EYS: variants seen among roughly 807,000 people sequenced by gnomAD.
The protein encoded by EYS is protein eyes shut homolog.
In EYS, 250 loss-of-function variants were observed where a neutral mutation model predicts 282.1. The observed-to-expected ratio is 0.89, with a 90% CI of 0.80 to 0.98. The LOEUF (loss-of-function observed/expected upper bound fraction) is 0.98, where lower values mean the gene tolerates loss of function less well. Among genes scored for constraint, EYS ranks in the 50% least tolerant of loss-of-function variants. The probability of loss-of-function intolerance (pLI) is 0.00; values close to 1 mark genes in which losing one functional copy is unlikely to be tolerated. For synonymous variants in EYS, 1,355 were observed against 1,282.9 expected (o/e 1.06, Z -1.20); for missense variants, 4,016 against 3,709.0 (o/e 1.08, Z -2.15).
At chr6:64,769,407 A>C (rs1773457301) in intron 22 of EYS, among the ~76,000 whole-genome samples, 1 of 152,076 alleles carries the variant, frequency 6.6e-6, no homozygotes, top group East Asian at 1.9e-4. Context: ...ATTTTATATA[A>C]TTTTCACATT....
At chr6:65,172,780 C>A (rs970328024) in intron 12 of EYS, among the ~76,000 whole-genome samples, 1 of 151,080 alleles carries the variant, frequency 6.6e-6, no homozygotes, top group Non-Finnish European at 1.5e-5. Context: ...ATATTAATAT[C>A]ACGTCAAATA....
At chr6:65,632,218 T>C (rs749567633) in intron 2 of EYS, among the ~76,000 whole-genome samples, 1 of 152,178 alleles carries the variant, frequency 6.6e-6, no homozygotes, top group Non-Finnish European at 1.5e-5. Flanking sequence ...GCAAAGCAAC[T>C]GCATGCTTTG....
chr6:64,804,341 T>G (rs1217067650), intron 22 of EYS, among the ~76,000 whole-genome samples: 1 of 152,194 alleles, frequency 6.6e-6, no homozygotes, highest in African/African-American at 2.4e-5. Flanking sequence ...TTACTTCTTT[T>G]CACACTCTAG....
In EYS at chr6:65,295,966, A is replaced by G. The variant is rs1374217956; in HGVS notation, c.1920T>C (p.Cys640=). 6.4e-7 allele frequency: 1 copy of G among 1,551,164 alleles called. No homozygotes were observed. Among genetic ancestry groups the G allele is most frequent in the Non-Finnish European group, 8.7e-7 (1 of 1,146,518 alleles). The part of the protein sequence containing the change: ...SGLQRYERNI[C]EIDTEDCKSA... ...ATTTGCAGTCTTCAGTATCTATCTCACAGATGTTCCTTTCATATCTTTGCA... is the reference window on the plus strand; with the variant it reads ...ATTTGCAGTCTTCAGTATCTATCTCGCAGATGTTCCTTTCATATCTTTGCA... The change falls in exon 12 of 43, where the codon TGT becomes TGC. Residue 640 remains cysteine, a synonymous_variant. Coordinates refer to ENST00000503581, the MANE Select transcript of EYS (RefSeq NM_001142800.2).
chr6:64,111,583 G>T (rs1297957929), intron 31 of EYS, among the ~76,000 whole-genome samples: 2 of 152,072 alleles, frequency 1.3e-5, no homozygotes, highest in African/African-American at 4.8e-5. Context: ...GGAAAAGATT[G>T]AAAATAGTCA....
chr6:65,190,572 A>G (rs970964601), intron 12 of EYS, among the ~76,000 whole-genome samples: 8 of 151,560 alleles, frequency 5.3e-5, no homozygotes, highest in Non-Finnish European at 8.9e-5. Flanking sequence ...GATGTCCCCA[A>G]TTTTATATTT....
intron 35 of EYS, among the ~76,000 whole-genome samples, chr6:63,963,124 G>T (rs1228674055): frequency 6.7e-6 from 1 of 150,314 alleles, no homozygotes; most frequent in African/African-American, 2.5e-5. Context: ...TGGGGGGAAG[G>T]GGGAGGCGGG....
Position 65,152,349 on chromosome 6 carries a change from C to T in EYS, c.2024-94622G>A, listed in dbSNP as rs538602158. On this transcript the variant is annotated intron_variant, in intron 12 of 42. Transcript: ENST00000503581. Reference sequence around the variant, plus strand: ...AGATCCCAGTGTTGAAGCTCTAACCCCTAGTACCTCAAAATGTGACTTTAT... The same window carrying T: ...AGATCCCAGTGTTGAAGCTCTAACCTCTAGTACCTCAAAATGTGACTTTAT... Among the ~76,000 whole-genome samples the T allele has an allele frequency of 9.9e-5, 15 of 151,946 alleles. 1 individual carries two copies. The South Asian group carries it at 2.9e-3, about 29-fold the overall frequency.
intron 33 of EYS, among the ~76,000 whole-genome samples, chr6:64,008,356 C>G (rs944608686): frequency 6.6e-6 from 1 of 152,100 alleles, no homozygotes; most frequent in Non-Finnish European, 1.5e-5. Context: ...TGACTTTAAG[C>G]TTATGGGTGT....
chr6:65,004,236 T>C (rs571252261), intron 13 of EYS, among the ~76,000 whole-genome samples: 2 of 147,658 alleles, frequency 1.4e-5, no homozygotes, highest in East Asian at 4.2e-4. Context: ...AAAAGTCACA[T>C]TTCATTAGAT....
Position 64,406,850 on chromosome 6 carries a change from T to TATAAA in EYS, c.5928-18011_5928-18010insTTTAT, listed in dbSNP as rs1472404394. Among the ~76,000 whole-genome samples the TATAAA allele has an allele frequency of 2.0e-5, 3 of 152,178 alleles. No individual in the cohort carries two copies. In the East Asian group the frequency reaches 5.8e-4, roughly 29 times the overall value. On this transcript the variant is annotated intron_variant, in intron 28 of 42. Transcript: ENST00000503581. ...GAGAAATAGGAATGCTTTTACACTG[T>TATAAA]TGGTAGGAGTATAAATTAGTTCAAC... is the stretch of plus-strand genomic sequence containing the variant.
intron 8 of EYS, among the ~76,000 whole-genome samples, chr6:65,357,973 T>G (rs1764558631): frequency 1.3e-5 from 2 of 151,954 alleles, no homozygotes; most frequent in South Asian, 4.1e-4. Context: ...ATGTGACCTC[T>G]CTTTTAAAAT....
chr6:63,809,496 A>G (rs1770986124), intron 36 of EYS, among the ~76,000 whole-genome samples: 1 of 152,198 alleles, frequency 6.6e-6, no homozygotes, highest in Admixed American at 6.5e-5. Context: ...CACAGATACC[A>G]TGTGTAAAGT....
chr6:63,873,154 C>T (rs79931527), intron 35 of EYS, among the ~76,000 whole-genome samples: 2 of 133,210 alleles, frequency 1.5e-5, no homozygotes, highest in African/African-American at 2.7e-5. Context: ...CCTCCCCCCT[C>T]CCTACACCCC....
In EYS at chr6:65,365,164, T is replaced by C. The variant is rs190475399; in HGVS notation, c.1300-11547A>G. On this transcript the variant is annotated intron_variant, in intron 8 of 42. Coordinates refer to ENST00000503581, the MANE Select transcript of EYS (RefSeq NM_001142800.2). ...GAATAAATTCCTTTCTCTGTTCTTA[T>C]AGCAGAAGTAAGAATAGTCAAGAAC... 3.3e-5 allele frequency among the ~76,000 whole-genome samples: 5 copies of C among 151,812 alleles called. No homozygotes were observed. In the East Asian group the frequency reaches 7.7e-4, roughly 23 times the overall value.
At chr6:65,696,329 C>T (rs926193522) in intron 1 of EYS, among the ~76,000 whole-genome samples, 1 of 151,892 alleles carries the variant, frequency 6.6e-6, no homozygotes, top group Non-Finnish European at 1.5e-5. Flanking sequence ...AAAATGTAAA[C>T]TGATTCTAAA....
chr6:64,921,870 G>A (rs1448983207), intron 15 of EYS, among the ~76,000 whole-genome samples: 1 of 152,142 alleles, frequency 6.6e-6, no homozygotes, highest in Non-Finnish European at 1.5e-5. Flanking sequence ...GATATGAAGA[G>A]CAGGTAGGTG....
chr6:64,614,824 G>A (rs985779195), intron 24 of EYS, among the ~76,000 whole-genome samples: 14 of 152,052 alleles, frequency 9.2e-5, no homozygotes, highest in Non-Finnish European at 1.8e-4. Flanking sequence ...AAGGGTTGTA[G>A]GGATGTTCAA....
At chr6:64,036,812 A>G (rs140126975) in intron 33 of EYS, among the ~76,000 whole-genome samples, 2 of 152,270 alleles carry the variant, frequency 1.3e-5, no homozygotes, top group Non-Finnish European at 2.9e-5. Flanking sequence ...AATGTTATCT[A>G]CCTTCTACAG....
Sources: gnomAD v4.1 joint callset for allele counts (sites outside exome capture counted in the v4.1 genomes callset) on GRCh38, gnomAD v4.1.1 for gene constraint, MANE v1.5 for transcripts, NCBI Gene and HGNC (gene_info 2026-07-23, HGNC 2026-07-21) for gene names.